Variants in CACNA1D observed in about 807,000 individuals in gnomAD.
The protein encoded by CACNA1D is voltage-dependent L-type calcium channel subunit alpha-1D.
A neutral mutation model predicts 257.1 loss-of-function variants in CACNA1D; 55 were observed. The observed-to-expected ratio is 0.21, with a 90% CI of 0.17 to 0.27. CACNA1D has a LOEUF of 0.27. Ranked by LOEUF, CACNA1D falls within the 10% of genes least tolerant of loss-of-function variation. The pLI is 1.00. For synonymous variants in CACNA1D, 980 were observed against 1,014.9 expected, an observed-to-expected ratio of 0.97 and a Z score of 0.65; for missense variants, 1,876 against 2,784.0, an observed-to-expected ratio of 0.67 and a Z score of 7.34.
intron 3 of CACNA1D, among the ~76,000 whole-genome samples, chr3:53,595,052 A>G (rs115627582): frequency 5.9e-5 from 9 of 152,172 alleles, no homozygotes; most frequent in Non-Finnish European, 1.0e-4. Context: ...TCAGGTTTCA[A>G]TTGGTATTTT....
chr3:53,739,921 G>A (rs1559603887), intron 20 of CACNA1D, among the ~76,000 whole-genome samples: 1 of 152,206 alleles, frequency 6.6e-6, no homozygotes, highest in Non-Finnish European at 1.5e-5. Context: ...AATCGAAAAT[G>A]TGTATAAGCC....
At chr3:53,618,344 C>T (rs1275499576) in intron 3 of CACNA1D, among the ~76,000 whole-genome samples, 3 of 152,200 alleles carry the variant, frequency 2.0e-5, no homozygotes, top group African/African-American at 4.8e-5. Flanking sequence ...TCTGCAGGAA[C>T]ACTTCAGCTC....
intron 3 of CACNA1D, among the ~76,000 whole-genome samples, chr3:53,570,064 G>A (rs1212874069): frequency 6.6e-6 from 1 of 152,160 alleles, no homozygotes; most frequent in African/African-American, 2.4e-5. Flanking sequence ...AAAAAAAAAT[G>A]TAATTATTCC....
At position 53,811,098 on chromosome 3, in the gene CACNA1D, C is replaced by G; in HGVS notation, c.6193-15C>G. 1 of 1,611,824 alleles carries G rather than the reference C, an allele frequency of 6.2e-7. No homozygotes were observed. Among genetic ancestry groups the G allele is most frequent in the Non-Finnish European group, 8.5e-7 (1 of 1,178,056 alleles). On this transcript the variant is annotated splice_polypyrimidine_tract_variant and intron_variant, in intron 47 of 47. Coordinates refer to ENST00000350061, the MANE Select transcript of CACNA1D (RefSeq NM_001128840.3). The surrounding 1 kb of genome is among the most constrained non-coding windows in gnomAD (Gnocchi z 4.2). The stretch of plus-strand genomic sequence containing the variant: ...TATAACACCCCCATGCCATCCATCC[C>G]TCTTTTCTGTACAGGTCCTGATATC...
intron 3 of CACNA1D, among the ~76,000 whole-genome samples, chr3:53,564,346 A>T (rs2092795533): frequency 1.3e-5 from 2 of 152,220 alleles, no homozygotes; most frequent in East Asian, 3.9e-4. Context: ...TTTTTAGTAG[A>T]TACAGGGTTT....
chr3:53,732,042 G>A lies in CACNA1D; in HGVS notation c.2433G>A (p.Glu811=), dbSNP rs1280953703. The change falls in exon 18 of 48, where the codon GAG becomes GAA. Residue 811 remains glutamate (E), a synonymous_variant. Coordinates refer to ENST00000350061, the MANE Select transcript of CACNA1D (RefSeq NM_001128840.3). Reference sequence around the variant, plus strand: ...TTACAATTGATGACTATAGAGAAGAGGATGAAGACAAGGACCCCTATCCGC... The same window carrying A: ...TTACAATTGATGACTATAGAGAAGAAGATGAAGACAAGGACCCCTATCCGC... ...NKVTIDDYRE[E]DEDKDPYPPC... 1 of 1,611,952 alleles carries A rather than the reference G, an allele frequency of 6.2e-7. No individual in the cohort carries two copies. The highest frequency in any genetic ancestry group is 1.3e-5 in the African/African-American group (1 of 74,914).
At chr3:53,733,119 C>T (rs558022528) in intron 19 of CACNA1D, among the ~76,000 whole-genome samples, 157 bp downstream of exon 19, 1 of 152,346 alleles carries the variant, frequency 6.6e-6, no homozygotes, top group African/African-American at 2.4e-5. Flanking sequence ...TCCAACCCCT[C>T]TCTCCTCCAC....
rs1484933926 is a variant in CACNA1D, at chr3:53,723,003, T to G, written c.1667-431T>G. On this transcript the variant is annotated intron_variant, in intron 12 of 47. Transcript: ENST00000350061. This position sits in a 1 kb window ranked among gnomAD's most constrained non-coding sequence, Gnocchi z 5.6. The stretch of plus-strand genomic sequence containing the variant: ...TTTCAGCTGTTAGAAATGACATTGA[T>G]AGGTGACTGCTTCTGATATCGTCAT... 6.6e-6 allele frequency among the ~76,000 whole-genome samples: 1 copy of G among 152,144 alleles called. No homozygotes were observed. The highest frequency in any genetic ancestry group is 1.5e-5 in the Non-Finnish European group (1 of 68,036).
Position 53,777,037 on chromosome 3 carries a change from C to G in CACNA1D, c.4587+81C>G, listed in dbSNP as rs2095401758. 3 of 1,029,698 alleles carry G rather than the reference C, an allele frequency of 2.9e-6. No homozygotes were observed. In the East Asian group the frequency reaches 7.2e-5, roughly 25 times the overall value. 63.8% of individuals were successfully genotyped at this position (1,029,698 alleles called of 1,614,324 possible). ...AACAAACACTTGTTAAGTGACACAG[C>G]CAGGCCTTCTGTCAGTTGCTAGGGA... On this transcript the variant is annotated intron_variant, in intron 37 of 47. Coordinates refer to ENST00000350061, the MANE Select transcript of CACNA1D (RefSeq NM_001128840.3).
rs543981854 is a variant in CACNA1D, at chr3:53,643,651, GGAAGA to G, written c.484-7125_484-7121del. Among the ~76,000 whole-genome samples, 654 of 152,258 alleles carry G rather than the reference GGAAGA, an allele frequency of 4.3e-3. 7 individuals carry two copies. Among genetic ancestry groups the G allele is most frequent in the African/African-American group, 0.015 (630 of 41,550 alleles). ...CATAGACAATTGTTGTTTTCCAACT[GGAAGA>G]GATCATCTGATTTAGTCTGTTCATT... On this transcript the variant is annotated intron_variant, in intron 3 of 47. Transcript: ENST00000350061.
At chr3:53,740,386 A>C in intron 21 of CACNA1D, 47 bp downstream of exon 21, 1 of 1,261,216 alleles carries the variant, frequency 7.9e-7, no homozygotes, top group Non-Finnish European at 1.2e-6. Flanking sequence ...CAGCTGGAGC[A>C]ATAATAGTTG....
At chr3:53,552,213 G>A (rs1035691803) in intron 3 of CACNA1D, among the ~76,000 whole-genome samples, 1 of 152,114 alleles carries the variant, frequency 6.6e-6, no homozygotes, top group Admixed American at 6.5e-5. Context: ...TACCTCCTTG[G>A]TGTTTTCTCC....
intron 3 of CACNA1D, among the ~76,000 whole-genome samples, chr3:53,547,815 A>T (rs181685980): frequency 6.6e-6 from 1 of 152,314 alleles, no homozygotes; most frequent in Admixed American, 6.5e-5. Flanking sequence ...GGTTTACATT[A>T]TCTGAGTAGA....
intron 21 of CACNA1D, chr3:53,740,555 G>T (rs1576519482): frequency 2.9e-5 from 13 of 446,206 alleles, no homozygotes; most frequent in East Asian, 1.2e-4. Context: ...GAGTGCTTTT[G>T]ATTTTTTATG....
chr3:53,500,564 C>T (rs1363540883), intron 2 of CACNA1D, among the ~76,000 whole-genome samples: 1 of 152,090 alleles, frequency 6.6e-6, no homozygotes, highest in Non-Finnish European at 1.5e-5. Flanking sequence ...TTTTAAGTAC[C>T]TTGAAGTGTT....
intron 19 of CACNA1D, among the ~76,000 whole-genome samples, chr3:53,733,365 G>A (rs1317651884): frequency 1.3e-5 from 2 of 152,190 alleles, no homozygotes; most frequent in Non-Finnish European, 2.9e-5. Flanking sequence ...CTTCTGTTAG[G>A]ATGCCTTGTG....
intron 47 of CACNA1D, among the ~76,000 whole-genome samples, chr3:53,810,912 A>C (rs1285474126): frequency 1.3e-5 from 2 of 152,038 alleles, no homozygotes; most frequent in Non-Finnish European, 2.9e-5. Flanking sequence ...TTGTTGGGCC[A>C]TGTGTAGTTT....
chr3:53,675,522 T>C (rs1043566464), intron 8 of CACNA1D, among the ~76,000 whole-genome samples: 2 of 152,098 alleles, frequency 1.3e-5, no homozygotes, highest in African/African-American at 4.8e-5. Context: ...ATCTTTTAGC[T>C]TTCCCAGGCA....
chr3:53,620,378 A>G (rs1028180332), intron 3 of CACNA1D, among the ~76,000 whole-genome samples: 14 of 152,246 alleles, frequency 9.2e-5, no homozygotes, highest in African/African-American at 3.1e-4. Context: ...GCAGCCTTGA[A>G]TTCCTGGGCT....
Sources: gnomAD v4.1 joint callset for allele counts (sites outside exome capture counted in the v4.1 genomes callset) on GRCh38, gnomAD v4.1.1 for gene constraint, Gnocchi (gnomAD v3.1) non-coding constraint, MANE v1.5 for transcripts, NCBI Gene and HGNC (gene_info 2026-07-23, HGNC 2026-07-21) for gene names.